KIAA0232: variants seen among roughly 807,000 people sequenced by gnomAD.
KIAA0232 encodes uncharacterized protein KIAA0232.
A neutral mutation model predicts 122.0 loss-of-function variants in KIAA0232; 27 were observed. That is an observed-to-expected ratio of 0.22 (90% CI 0.16 to 0.31). The LOEUF (loss-of-function observed/expected upper bound fraction) is 0.31, where lower values mean the gene tolerates loss of function less well. Among genes scored for constraint, KIAA0232 ranks in the 10% least tolerant of loss-of-function variants. KIAA0232 has a pLI of 1.00. For synonymous variants in KIAA0232, 613 were observed against 587.6 expected (o/e 1.04, Z -0.63); for missense variants, 1,551 against 1,634.2 (o/e 0.95, Z 0.88).
At chr4:6,807,066 C>T (rs986599609) in intron 2 of KIAA0232, among the ~76,000 whole-genome samples, 5 of 151,080 alleles carry the variant, frequency 3.3e-5, no homozygotes, top group African/African-American at 4.9e-5. Flanking sequence ...ATCTATCTAT[C>T]TATCTATCTA....
intron 3 of KIAA0232, among the ~76,000 whole-genome samples, chr4:6,836,930 T>G (rs756196070): frequency 6.6e-6 from 1 of 151,706 alleles, no homozygotes; most frequent in Non-Finnish European, 1.5e-5. Flanking sequence ...CAAAATGGAG[T>G]CTCCTGTCTA....
At chr4:6,811,617 A>AT (rs1245647306) in intron 2 of KIAA0232, among the ~76,000 whole-genome samples, 2 of 151,418 alleles carry the variant, frequency 1.3e-5, no homozygotes, top group Non-Finnish European at 2.9e-5. Context: ...TGATTTTTGT[A>AT]TTTTTTTGGT....
At chr4:6,841,194 TAAAAC>T (rs528319347) in intron 3 of KIAA0232, among the ~76,000 whole-genome samples, 2 of 152,204 alleles carry the variant, frequency 1.3e-5, no homozygotes, top group Non-Finnish European at 2.9e-5. Context: ...TGTCAAAAGT[TAAAAC>T]AAGAAGTGAA....
chr4:6,854,474 C>T (rs1026724863), intron 4 of KIAA0232, among the ~76,000 whole-genome samples: 8 of 152,132 alleles, frequency 5.3e-5, no homozygotes, highest in African/African-American at 1.9e-4. Context: ...TCGTCATAAC[C>T]ATTTGTTCAC....
chr4:6,846,944 T>C (rs1031872130), intron 4 of KIAA0232, among the ~76,000 whole-genome samples: 10 of 152,190 alleles, frequency 6.6e-5, no homozygotes, highest in African/African-American at 2.2e-4. Flanking sequence ...AAATGCCCTC[T>C]TAAAAGTGCT....
At chr4:6,857,363 G>A in intron 5 of KIAA0232, 133 bp downstream of exon 5, 1 of 638,614 alleles carries the variant, frequency 1.6e-6, no homozygotes, top group African/African-American at 1.9e-5. Context: ...TGTGTCACTA[G>A]GCCAGCCTCA....
rs1160303196 is a variant in KIAA0232, at chr4:6,883,590, C to T, written c.*2624C>T. 6.6e-6 allele frequency: 1 copy of T among 152,218 alleles called. No individual in the cohort carries two copies. Among genetic ancestry groups the T allele is most frequent in the South Asian group, 2.1e-4 (1 of 4,832 alleles). 9.4% of individuals were successfully genotyped at this position (152,218 alleles called of 1,614,324 possible). ...AAATCAGCGGCTCCTCCCCATCTCA[C>T]CCCCAGCACACGCAGGGACTACTAC... is the stretch of plus-strand genomic sequence containing the variant. On this transcript the variant is annotated 3_prime_UTR_variant, in exon 10 of 10. Coordinates refer to ENST00000307659, the MANE Select transcript of KIAA0232 (RefSeq NM_014743.3).
At chr4:6,836,000 G>T (rs889878351) in intron 3 of KIAA0232, among the ~76,000 whole-genome samples, 2 of 152,168 alleles carry the variant, frequency 1.3e-5, no homozygotes, top group Non-Finnish European at 2.9e-5. Context: ...GGGAATGCTG[G>T]GTCCAATGGT....
intron 1 of KIAA0232, among the ~76,000 whole-genome samples, chr4:6,787,467 A>G (rs534157103): frequency 3.3e-5 from 5 of 152,310 alleles, no homozygotes; most frequent in African/African-American, 9.6e-5. Context: ...TAAAGAGGCT[A>G]TGCTTTGTGT....
chr4:6,811,533 C>G (rs999914667), intron 2 of KIAA0232, among the ~76,000 whole-genome samples: 9 of 152,142 alleles, frequency 5.9e-5, no homozygotes, highest in Non-Finnish European at 1.0e-4. Flanking sequence ...GCCTCTGCCT[C>G]CCGAGCTCCA....
chr4:6,803,918 A>T (rs932751930), intron 1 of KIAA0232, among the ~76,000 whole-genome samples: 11 of 152,206 alleles, frequency 7.2e-5, no homozygotes, highest in Non-Finnish European at 1.5e-4. Flanking sequence ...TTTTGAGGGG[A>T]AAGGTTTTAA....
At chr4:6,826,353 T>C (rs1188424097) in intron 3 of KIAA0232, among the ~76,000 whole-genome samples, 2 of 152,212 alleles carry the variant, frequency 1.3e-5, no homozygotes, top group African/African-American at 4.8e-5. Flanking sequence ...TTATCATCTT[T>C]CTGGTAAATG....
chr4:6,857,786 C>T (rs1386664206), intron 5 of KIAA0232, among the ~76,000 whole-genome samples: 1 of 152,158 alleles, frequency 6.6e-6, no homozygotes, highest in African/African-American at 2.4e-5. Context: ...AACTTGTTTG[C>T]AATCCCTAAG....
At chr4:6,872,351 G>A (rs1186480204) in intron 8 of KIAA0232, among the ~76,000 whole-genome samples, 1 of 152,204 alleles carries the variant, frequency 6.6e-6, no homozygotes, top group Non-Finnish European at 1.5e-5. Flanking sequence ...AGGACCGAGA[G>A]GTTTTGTAGA....
chr4:6,788,827 G>T (rs1716750256), intron 1 of KIAA0232, among the ~76,000 whole-genome samples: 1 of 152,194 alleles, frequency 6.6e-6, no homozygotes, highest in Non-Finnish European at 1.5e-5. Context: ...GTAAGTGGCA[G>T]CTTTTAGCTA....
chr4:6,823,138 A>T (rs1302009905), intron 2 of KIAA0232, among the ~76,000 whole-genome samples: 6 of 151,628 alleles, frequency 4.0e-5, no homozygotes, highest in Non-Finnish European at 8.8e-5. Context: ...ATAGTATTCC[A>T]TGGTGTATAT....
rs779754369 is a variant in KIAA0232 at position 6,863,057 on chromosome 4, G to A, written c.2675G>A (p.Ser892Asn). ...EYHLWEGQKE[S>N]LEKRAFASSE... ...CATCTGTGGGAGGGACAGAAAGAGA[G>A]CCTGGAGAAAAGAGCATTTGCTTCT... The change falls in exon 7 of 10, where the codon AGC becomes AAC. Residue 892 changes from serine to asparagine, a missense_variant. This residue lies in a region of KIAA0232 where 1,108 missense variants were observed against 1,154.8 expected (regional missense o/e 0.96). Coordinates refer to ENST00000307659, the MANE Select transcript of KIAA0232 (RefSeq NM_014743.3). 1.4e-5 allele frequency: 23 copies of A among 1,614,256 alleles called. No homozygotes were observed. The highest frequency in any genetic ancestry group is 1.6e-5 in the Non-Finnish European group (19 of 1,180,042).
At chr4:6,802,688 T>C (rs1717439305) in intron 1 of KIAA0232, among the ~76,000 whole-genome samples, 1 of 151,990 alleles carries the variant, frequency 6.6e-6, no homozygotes, top group Non-Finnish European at 1.5e-5. Context: ...CCCAAGGACA[T>C]AAAGACAGAA....
chr4:6,832,586 T>A (rs535744606), intron 3 of KIAA0232, among the ~76,000 whole-genome samples: 7 of 152,280 alleles, frequency 4.6e-5, no homozygotes, highest in Non-Finnish European at 8.8e-5. Flanking sequence ...TGACCTCAAG[T>A]GATCTGCCTG....
Sources: gnomAD v4.1 joint callset for allele counts (sites outside exome capture counted in the v4.1 genomes callset) on GRCh38, gnomAD v4.1.1 for gene constraint, gnomAD v4.1.1 regional missense constraint, MANE v1.5 for transcripts, NCBI Gene and HGNC (gene_info 2026-07-23, HGNC 2026-07-21) for gene names.